MAPK15: variants seen among roughly 807,000 people sequenced by gnomAD.
The protein encoded by MAPK15 is ERK-7.
MAPK15 carries 61 observed loss-of-function variants against 60.8 expected under a neutral mutation model. The observed-to-expected ratio is 1.00, with a 90% CI of 0.82 to 1.24. The LOEUF (loss-of-function observed/expected upper bound fraction) is 1.24, where lower values mean the gene tolerates loss of function less well. Among genes scored for constraint, MAPK15 ranks in the 50% most tolerant of loss-of-function variants. The probability of loss-of-function intolerance (pLI) is 0.00; values close to 1 mark genes in which losing one functional copy is unlikely to be tolerated. For missense variants in MAPK15, 808 were observed against 741.1 expected, an observed-to-expected ratio of 1.09 and a Z score of -1.05; for synonymous variants, 356 against 319.9, an observed-to-expected ratio of 1.11 and a Z score of -1.21.
rs781877430 is a variant in MAPK15, at chr8:143,721,113, G to C, written c.1023+8G>C. On this transcript the variant is annotated splice_region_variant and intron_variant, in intron 10 of 13. Transcript: ENST00000338033. ...CGCAGCCGCGTCTATCAGGTGCTCC[G>C]GCTCTCGACCCCTATCATCCCCTGT... 6.2e-7 allele frequency: 1 copy of C among 1,608,760 alleles called. No individual in the cohort carries two copies. Among genetic ancestry groups the C allele is most frequent in the Non-Finnish European group, 8.5e-7 (1 of 1,177,382 alleles).
At position 143,721,603 on chromosome 8, in the gene MAPK15, A is replaced by G. The variant is rs1554619870; in HGVS notation, c.1259A>G (p.Gln420Arg). ...AGGCAGAACTCCGCTCCCCTGCTCCAAACTGCTCTCCTAGGGAATGGGGAA... is the reference window on the plus strand; with the variant it reads ...AGGCAGAACTCCGCTCCCCTGCTCCGAACTGCTCTCCTAGGGAATGGGGAA... ...VPRQNSAPLLQTALLGNGERP... is the reference protein window; with the variant it reads ...VPRQNSAPLLRTALLGNGERP... Residue 420 changes from glutamine (Q) to arginine (R), a missense_variant, in exon 12 of 14, where the codon CAA becomes CGA. Gln to Arg is a conservative substitution (Grantham distance 43). Transcript: ENST00000338033. 6.2e-7 allele frequency: 1 copy of G among 1,613,158 alleles called. No individual in the cohort carries two copies. The highest frequency in any genetic ancestry group is 1.1e-5 in the South Asian group (1 of 90,936).
At chr8:143,719,604 C>G (rs1256979071) in intron 7 of MAPK15, 122 bp downstream of exon 7, 1 of 1,333,978 alleles carries the variant, frequency 7.5e-7, no homozygotes, top group African/African-American at 1.5e-5. Flanking sequence ...AGGGAGGATC[C>G]AGAGGATGGG....
At chr8:143,717,961 C>T in intron 2 of MAPK15, 86 bp from the exon 3 acceptor site, 9 of 1,584,752 alleles carry the variant, frequency 5.7e-6, no homozygotes, top group Non-Finnish European at 5.2e-6. Flanking sequence ...TATTGGGTGA[C>T]AGACATCAGC....
chr8:143,720,944 G>T lies in MAPK15; in HGVS notation c.918-56G>T. ...CCCACAGCAGGGACCCTGCTGTGAC[G>T]GCTTGAGGGGCTCCCTTGGCCGCAG... On this transcript the variant is annotated intron_variant, in intron 9 of 13. Transcript: ENST00000338033. The surrounding 1 kb of genome is among the most constrained non-coding windows in gnomAD (Gnocchi z 4.6). 1 of 1,579,794 alleles carries T rather than the reference G, an allele frequency of 6.3e-7. No homozygotes were observed. Among genetic ancestry groups the T allele is most frequent in the Non-Finnish European group, 8.6e-7 (1 of 1,162,118 alleles).
intron 12 of MAPK15, 22 bp downstream of exon 12, chr8:143,721,695 A>G: frequency 6.2e-7 from 1 of 1,611,434 alleles, no homozygotes; most frequent in Middle Eastern, 1.7e-4. Flanking sequence ...TGGGGCGGGC[A>G]CAGGAGGGAC....
In MAPK15 at chr8:143,722,220, AC is replaced by A; in HGVS notation, c.1606del (p.Leu536CysfsTer?). Reference sequence around the variant, plus strand: ...ACTGTCTGCCACTCGGCACTGGGCCACCTGCCCCTGCTGGAGGGGCACCATG... The same window carrying A: ...ACTGTCTGCCACTCGGCACTGGGCCACTGCCCCTGCTGGAGGGGCACCATG... ...YGTVCHSALG[H>X]LPLLEGHHV is the part of the protein sequence containing the mutation. On this transcript the variant is annotated frameshift_variant, in exon 14 of 14. Transcript: ENST00000338033. LOFTEE classifies it high-confidence loss of function. 5.0e-6 allele frequency: 8 copies of A among 1,598,280 alleles called. No homozygotes were observed. The highest frequency in any genetic ancestry group is 6.8e-6 in the Non-Finnish European group (8 of 1,171,950).
At position 143,721,782 on chromosome 8, in the gene MAPK15, T is replaced by G; in HGVS notation, c.1360T>G (p.Ser454Ala). 1 of 1,613,230 alleles carries G rather than the reference T, an allele frequency of 6.2e-7. No individual in the cohort carries two copies. The highest frequency in any genetic ancestry group is 8.5e-7 in the Non-Finnish European group (1 of 1,179,810). ...GCCAAGCGGGAGGGGAGCTGCGCCC[T>G]CCCTGACCTCCCAGGCTGCGGCTCA... ...VKPSGRGAAP[S>A]LTSQAAAQVA... is the part of the protein sequence containing the mutation. Residue 454 changes from serine to alanine, a missense_variant, in exon 13 of 14, where the codon TCC becomes GCC. Physicochemically the swap from Ser to Ala is moderately conservative, Grantham distance 99. Transcript: ENST00000338033.
Position 143,721,642 on chromosome 8 carries a change from C to T in MAPK15, c.1298C>T (p.Ala433Val), listed in dbSNP as rs372002074. 1.2e-5 allele frequency: 19 copies of T among 1,608,914 alleles called. No individual in the cohort carries two copies. Among genetic ancestry groups the T allele is most frequent in the African/African-American group, 4.0e-5 (3 of 74,800 alleles). Reference protein sequence around the residue: ...LLGNGERPPGAKEAPPLTLSL... With the variant: ...LLGNGERPPGVKEAPPLTLSL... ...GGGAATGGGGAAAGGCCCCCTGGGG[C>T]GAAGGAAGCGCCCCCCTTGACACTC... The change falls in exon 12 of 14, where the codon GCG becomes GTG. Residue 433 changes from alanine (A) to valine (V), a missense_variant. By Grantham distance (64) the Ala-to-Val change is moderately conservative. Coordinates refer to ENST00000338033, the MANE Select transcript of MAPK15 (RefSeq NM_139021.3).
chr8:143,720,116 A>G lies in MAPK15; in HGVS notation c.722-114A>G. 6.8e-7 allele frequency: 1 copy of G among 1,461,430 alleles called. No homozygotes were observed. Among genetic ancestry groups the G allele is most frequent in the African/African-American group, 1.4e-5 (1 of 71,314 alleles). 90.5% of individuals were successfully genotyped at this position (1,461,430 alleles called of 1,614,324 possible). A position where few individuals can be genotyped will look rare whatever the true frequency, so the allele number is the denominator to read the frequency against. On this transcript the variant is annotated intron_variant, in intron 7 of 13. Coordinates refer to ENST00000338033, the MANE Select transcript of MAPK15 (RefSeq NM_139021.3). This position sits in a 1 kb window ranked among gnomAD's most constrained non-coding sequence, Gnocchi z 4.6. Reference sequence around the variant, plus strand: ...GTTTGAGCCCCGCCAGACAGCAGAAACCCTGTAGAGAGGCTGTGCTCCCTG... The same window carrying G: ...GTTTGAGCCCCGCCAGACAGCAGAAGCCCTGTAGAGAGGCTGTGCTCCCTG...
intron 1 of MAPK15, among the ~76,000 whole-genome samples, chr8:143,716,825 A>C (rs1817829365): frequency 6.6e-6 from 1 of 152,150 alleles, no homozygotes; most frequent in African/African-American, 2.4e-5. Context: ...TCAGGAGCAC[A>C]GGGGCGAGGC....
Position 143,717,629 on chromosome 8 carries a change from G to C in MAPK15, c.67-65G>C, listed in dbSNP as rs1002231735. On this transcript the variant is annotated intron_variant, in intron 1 of 13. Transcript: ENST00000338033. ...GAAGGAGGAGCCTCATGTCTGTAGG[G>C]ACAATCTGGGTGGGCAGGGGATGGG... 2.9e-6 allele frequency: 4 copies of C among 1,374,530 alleles called. No homozygotes were observed. The African/African-American group carries it at 5.7e-5, about 20-fold the overall frequency. The allele number at this position is 1,374,530 out of a possible 1,614,324, so 85.1% of individuals were successfully genotyped here.
rs1818011259 is a variant in MAPK15, at chr8:143,720,597, A to G, written c.780-106A>G. On this transcript the variant is annotated intron_variant, in intron 8 of 13. Transcript: ENST00000338033. The surrounding 1 kb of genome is among the most constrained non-coding windows in gnomAD (Gnocchi z 4.6). The stretch of plus-strand genomic sequence containing the variant: ...GCACAGGGGCATCTACCTAGACAGG[A>G]CAGCAGGGTGGACCCCAGTTTGGAA... 1.3e-6 allele frequency: 2 copies of G among 1,511,052 alleles called. No individual in the cohort carries two copies. The highest frequency in any genetic ancestry group is 1.4e-5 in the African/African-American group (1 of 72,252). 93.6% of individuals were successfully genotyped at this position (1,511,052 alleles called of 1,614,324 possible).
chr8:143,717,548 G>T (rs1817857789), intron 1 of MAPK15, 146 bp from the exon 2 acceptor site: 1 of 673,678 alleles, frequency 1.5e-6, no homozygotes, highest in Non-Finnish European at 2.6e-6. Context: ...CGGAGTCTAG[G>T]GCAGCCTGCA....
intron 1 of MAPK15, among the ~76,000 whole-genome samples, 190 bp from the exon 2 acceptor site, chr8:143,717,504 C>T (rs148123366): frequency 0.017 from 2,566 of 152,328 alleles, 21 homozygotes; most frequent in Non-Finnish European, 0.03. Flanking sequence ...CTCTCACCCT[C>T]CCTTCCCTCT....
Position 143,722,183 on chromosome 8 carries a change from C to G in MAPK15, c.1567C>G (p.Gln523Glu), listed in dbSNP as rs1554620189. 6.2e-7 allele frequency: 1 copy of G among 1,610,126 alleles called. No homozygotes were observed. Among genetic ancestry groups the G allele is most frequent in the African/African-American group, 1.3e-5 (1 of 75,002 alleles). The change falls in exon 14 of 14, where the codon CAA becomes GAA. Residue 523 changes from glutamine (Q) to glutamate (E), a missense_variant. Physicochemically the swap from Gln to Glu is conservative, Grantham distance 29. Coordinates refer to ENST00000338033, the MANE Select transcript of MAPK15 (RefSeq NM_139021.3). ...CAGGGCTTTGCTTGGAGGCTACTCC[C>G]AAGCCTACGGGACTGTCTGCCACTC... ...GARALLGGYS[Q>E]AYGTVCHSAL...
In MAPK15 at chr8:143,718,230, A is replaced by T. The variant is rs1554618795; in HGVS notation, c.214A>T (p.Asn72Tyr). The T allele has an allele frequency of 6.2e-7, 1 of 1,614,154 alleles. No individual in the cohort carries two copies. Among genetic ancestry groups the T allele is most frequent in the East Asian group, 2.2e-5 (1 of 44,882 alleles). ...TCCCCAGGAGTTTGGGGACCATCCC[A>T]ACATCATCAGCCTCCTTGACGTGAT... ...TLLQEFGDHP[N>Y]IISLLDVIRA... Residue 72 changes from asparagine to tyrosine, a missense_variant, in exon 4 of 14, where the codon AAC becomes TAC. Physicochemically the swap from Asn to Tyr is moderately radical, Grantham distance 143 (BLOSUM62 -2). Transcript: ENST00000338033.
rs563011748 is a variant in MAPK15 at position 143,721,407 on chromosome 8, G to A, written c.1200G>A (p.Glu400=). The change falls in exon 11 of 14, where the codon GAG becomes GAA. Residue 400 remains glutamate, a synonymous_variant. Transcript: ENST00000338033. ...GCAGCCCAGGCCATGACCCTGCCGA[G>A]CACGGTGTGTGATCTTTGCTGGCCG... The part of the protein sequence containing the change: ...PQSSPGHDPA[E]HESPRAAKNV... The A allele has an allele frequency of 1.5e-5, 24 of 1,610,808 alleles. No homozygotes were observed. The South Asian group carries it at 2.3e-4, about 16-fold the overall frequency.
At chr8:143,719,777 G>A (rs1298566387) in intron 7 of MAPK15, among the ~76,000 whole-genome samples, 3 of 152,294 alleles carry the variant, frequency 2.0e-5, no homozygotes, top group Non-Finnish European at 1.5e-5. Flanking sequence ...GGGTAGCAGG[G>A]GCAGGGACTG....
Position 143,722,151 on chromosome 8 carries a change from G to C in MAPK15, c.1535G>C (p.Gly512Ala), listed in dbSNP as rs1818109323. Residue 512 changes from glycine (G) to alanine (A), a missense_variant, in exon 14 of 14, where the codon GGG (glycine) becomes GCG (alanine). Physicochemically the swap from Gly to Ala is moderately conservative, Grantham distance 60. Transcript: ENST00000338033. The stretch of plus-strand genomic sequence containing the variant: ...ACCTCTGCCTTGCAGGGTGCCCAGG[G>C]GGGTGCCAGGGCTTTGCTTGGAGGC... Reference protein sequence around the residue: ...FSTSALQGAQGGARALLGGYS... With the variant: ...FSTSALQGAQAGARALLGGYS... 1 of 1,611,500 alleles carries C rather than the reference G, an allele frequency of 6.2e-7. No homozygotes were observed. Among genetic ancestry groups the C allele is most frequent in the African/African-American group, 1.3e-5 (1 of 74,888 alleles).
Sources: allele counts gnomAD v4.1 joint callset (sites outside exome capture counted in the v4.1 genomes callset), GRCh38; gene constraint gnomAD v4.1.1; non-coding constraint Gnocchi (gnomAD v3.1); transcripts MANE v1.5; gene names NCBI Gene and HGNC (gene_info 2026-07-23, HGNC 2026-07-21).